The following COQ8A variants were observed in gnomAD, a reference collection of about 807,000 sequenced individuals.
The protein encoded by COQ8A is atypical kinase COQ8A, mitochondrial.
A neutral mutation model predicts 65.0 loss-of-function variants in COQ8A; 51 were observed. The observed-to-expected ratio is 0.78, with a 90% CI of 0.63 to 0.99. The LOEUF is 0.99. COQ8A is among the 50% of genes least tolerant of loss of function. The pLI is 0.00. For missense variants in COQ8A, 940 were observed against 875.0 expected, an observed-to-expected ratio of 1.07 and a Z score of -0.94; for synonymous variants, 371 against 353.2, an observed-to-expected ratio of 1.05 and a Z score of -0.57.
chr1:226,985,138 C>T (rs1265284542), intron 13 of COQ8A, 116 bp from the exon 14 acceptor site: 7 of 1,318,166 alleles, frequency 5.3e-6, no homozygotes, highest in Non-Finnish European at 6.5e-6. Flanking sequence ...GGCCGGGGGC[C>T]CTGTGCAGGG....
intron 1 of COQ8A, among the ~76,000 whole-genome samples, chr1:226,944,262 G>A (rs1237338627): frequency 2.6e-5 from 4 of 152,038 alleles, no homozygotes; most frequent in Admixed American, 6.5e-5. Context: ...AGTGTGTGCC[G>A]AGGGAGCAGG....
In COQ8A at chr1:226,979,842, T is replaced by C. The variant is rs112560441; in HGVS notation, c.731-2185T>C. ...ATTTTTAGCGTTGGTGCTGACACTC[T>C]CTGGGAAATGAAGCCTGGGTTTCTC... On this transcript the variant is annotated intron_variant, in intron 5 of 14. Coordinates refer to ENST00000366777, the MANE Select transcript of COQ8A (RefSeq NM_020247.5). Among the ~76,000 whole-genome samples the C allele has an allele frequency of 4.2e-3, 645 of 152,292 alleles. 6 individuals carry two copies. Among genetic ancestry groups the C allele is most frequent in the African/African-American group, 0.015 (625 of 41,572 alleles).
At chr1:226,968,238 G>A (rs1221935721) in intron 4 of COQ8A, among the ~76,000 whole-genome samples, 2 of 152,114 alleles carry the variant, frequency 1.3e-5, no homozygotes, top group Non-Finnish European at 2.9e-5. Flanking sequence ...GGGAGGCTGA[G>A]GCACAAGAAT....
intron 1 of COQ8A, among the ~76,000 whole-genome samples, chr1:226,947,758 C>A (rs1326491795): frequency 1.3e-5 from 2 of 151,968 alleles, no homozygotes; most frequent in Non-Finnish European, 2.9e-5. Flanking sequence ...GATCATGCCA[C>A]TGAATTCCAA....
At position 226,972,958 on chromosome 1, in the gene COQ8A, C is replaced by T. The variant is rs770737535; in HGVS notation, c.656-4491C>T. Among the ~76,000 whole-genome samples, 33 of 152,228 alleles carry T rather than the reference C, an allele frequency of 2.2e-4. No individual in the cohort carries two copies. The highest frequency in any genetic ancestry group is 1.3e-3 in the Admixed American group (20 of 15,288). On this transcript the variant is annotated intron_variant, in intron 4 of 14. Transcript: ENST00000366777. This position sits in a 1 kb window ranked among gnomAD's most constrained non-coding sequence, Gnocchi z 4.3. ...TATCACTTGGTTTCTGGACACGGTT[C>T]GAGACCTGGCTGTGGCTTGCTGTGG... is the stretch of plus-strand genomic sequence containing the variant.
chr1:226,973,209 C>T (rs1276424052), intron 4 of COQ8A, among the ~76,000 whole-genome samples: 1 of 152,258 alleles, frequency 6.6e-6, no homozygotes, highest in African/African-American at 2.4e-5. Context: ...GTCCACTTTG[C>T]AGCAGGATAG....
At chr1:226,977,648 G>C in intron 5 of COQ8A, 125 bp downstream of exon 5, 1 of 1,047,292 alleles carries the variant, frequency 9.5e-7, no homozygotes, top group Non-Finnish European at 1.4e-6. Flanking sequence ...GGGGTTCCAC[G>C]TAAGTGGCGT....
chr1:226,965,549 G>A, intron 3 of COQ8A, 122 bp from the exon 4 acceptor site: 1 of 1,497,078 alleles, frequency 6.7e-7, no homozygotes, highest in Non-Finnish European at 9.2e-7. Flanking sequence ...TTGGTGGAGT[G>A]TGCTGTCAGG....
chr1:226,984,988 GGGACAGGAT>G, intron 13 of COQ8A, 47 bp downstream of exon 13: 1 of 1,604,750 alleles, frequency 6.2e-7, no homozygotes, highest in Non-Finnish European at 8.5e-7. Context: ...TTCTGAGGCT[GGGACAGGAT>G]GCTGGGGGAC....
At chr1:226,957,569 G>C (rs898463745) in intron 1 of COQ8A, among the ~76,000 whole-genome samples, 9 of 152,078 alleles carry the variant, frequency 5.9e-5, no homozygotes, top group African/African-American at 2.2e-4. Flanking sequence ...GTGACAGACA[G>C]TGAGTTTTGG....
chr1:226,970,015 G>A (rs572942124), intron 4 of COQ8A, among the ~76,000 whole-genome samples: 3 of 152,088 alleles, frequency 2.0e-5, no homozygotes, highest in Non-Finnish European at 2.9e-5. Context: ...CACCCAGGCT[G>A]GAGTGCAGCG....
At chr1:226,971,532 A>G (rs902074566) in intron 4 of COQ8A, among the ~76,000 whole-genome samples, 2 of 151,748 alleles carry the variant, frequency 1.3e-5, no homozygotes, top group Admixed American at 1.3e-4. Context: ...AGCCTGGATG[A>G]CAGCTCCATC....
At chr1:226,958,673 C>G (rs1657962638) in intron 1 of COQ8A, among the ~76,000 whole-genome samples, 1 of 152,168 alleles carries the variant, frequency 6.6e-6, no homozygotes, top group Admixed American at 6.5e-5. Context: ...GTGGACACTC[C>G]CAAACATGAG....
rs1366632592 is a variant in COQ8A, at chr1:226,985,164, G to C, written c.1573-90G>C. On this transcript the variant is annotated intron_variant, in intron 13 of 14. Transcript: ENST00000366777. ...CTGTGCAGGGAGAGGATGAGGGTGG[G>C]GTGGGCTCGGGTGTGGCACTTGGCT... The C allele has an allele frequency of 2.1e-6, 3 of 1,408,802 alleles. No homozygotes were observed. The Admixed American group carries it at 5.0e-5, about 24-fold the overall frequency. 87.3% of individuals were successfully genotyped at this position (1,408,802 alleles called of 1,614,324 possible).
intron 8 of COQ8A, 110 bp from the exon 9 acceptor site, chr1:226,983,442 G>A: frequency 2.0e-6 from 2 of 1,019,646 alleles, no homozygotes; most frequent in Non-Finnish European, 1.5e-6. Context: ...CAGGGTGTGG[G>A]CTGGGGCCAG....
At chr1:226,961,233 C>G (rs902746236) in intron 1 of COQ8A, 144 bp from the exon 2 acceptor site, 6 of 872,376 alleles carry the variant, frequency 6.9e-6, no homozygotes, top group Non-Finnish European at 1.8e-6. Flanking sequence ...GCCCTGGGCC[C>G]TTTCTTATCT....
chr1:226,953,264 G>A (rs767313973), intron 1 of COQ8A, among the ~76,000 whole-genome samples: 61 of 152,248 alleles, frequency 4.0e-4, no homozygotes, highest in Admixed American at 1.4e-3. Context: ...TCCTGACTTC[G>A]TGATCCACCA....
At chr1:226,966,491 G>A (rs1658576847) in intron 4 of COQ8A, among the ~76,000 whole-genome samples, 1 of 152,202 alleles carries the variant, frequency 6.6e-6, no homozygotes, top group Non-Finnish European at 1.5e-5. Flanking sequence ...TACTGGGATT[G>A]CATTTCTTTA....
intron 4 of COQ8A, among the ~76,000 whole-genome samples, chr1:226,967,460 T>G (rs996238180): frequency 2.6e-5 from 4 of 152,078 alleles, no homozygotes; most frequent in Non-Finnish European, 5.9e-5. Context: ...GGAGAAGCGG[T>G]AGAGCTAATG....
Sources: allele counts gnomAD v4.1 joint callset (sites outside exome capture counted in the v4.1 genomes callset), GRCh38; gene constraint gnomAD v4.1.1; non-coding constraint Gnocchi (gnomAD v3.1); transcripts MANE v1.5; gene names NCBI Gene and HGNC (gene_info 2026-07-23, HGNC 2026-07-21).